Variants in PDZRN3 observed in about 807,000 individuals in gnomAD.
PDZRN3 encodes PDZ domain containing ring finger 3.
PDZRN3 carries 38 observed loss-of-function variants against 85.7 expected under a neutral mutation model. The ratio of observed to expected loss-of-function variants is 0.44; its 90% CI spans 0.34 to 0.58. PDZRN3 has a LOEUF of 0.58. Ranked by LOEUF, PDZRN3 falls within the 20% of genes least tolerant of loss-of-function variation. The pLI is 0.01. For missense variants in PDZRN3, 1,629 were observed against 1,506.4 expected (o/e 1.08, Z -1.35); for synonymous variants, 759 against 638.0 (o/e 1.19, Z -2.86).
In PDZRN3 at chr3:73,522,420, C is replaced by A. The variant is rs190476985; in HGVS notation, c.918+79934G>T. Among the ~76,000 whole-genome samples the A allele has an allele frequency of 1.2e-4, 18 of 152,304 alleles. No homozygotes were observed. The East Asian group carries it at 3.5e-3, about 29-fold the overall frequency. The stretch of plus-strand genomic sequence containing the variant: ...AAACATGCTAGTGCTATAAAGTGAG[C>A]AGGCTGTGTGCTCCTCAGAAGGGTC... On this transcript the variant is annotated intron_variant, in intron 3 of 9. Transcript: ENST00000263666.
chr3:73,455,566 C>A (rs1421074211), intron 3 of PDZRN3, among the ~76,000 whole-genome samples: 1 of 152,192 alleles, frequency 6.6e-6, no homozygotes, highest in African/African-American at 2.4e-5. Flanking sequence ...GCAAGGCATA[C>A]ATGATTTCTG....
intron 3 of PDZRN3, among the ~76,000 whole-genome samples, chr3:73,542,835 T>A (rs1263518896): frequency 6.6e-6 from 1 of 152,152 alleles, no homozygotes; most frequent in African/African-American, 2.4e-5. Context: ...GATCATTACA[T>A]GAGACACACA....
At chr3:73,399,279 G>A (rs1701702283) in intron 5 of PDZRN3, among the ~76,000 whole-genome samples, 1 of 152,176 alleles carries the variant, frequency 6.6e-6, no homozygotes, top group Non-Finnish European at 1.5e-5. Context: ...TCAAAAAGCA[G>A]TGTCGTCCCA....
chr3:73,399,586 C>A (rs900394166), intron 5 of PDZRN3, among the ~76,000 whole-genome samples: 1 of 152,178 alleles, frequency 6.6e-6, no homozygotes, highest in Admixed American at 6.5e-5. Flanking sequence ...GGCTGCTTCA[C>A]CAAACAGCCC....
At position 73,533,785 on chromosome 3, in the gene PDZRN3, T is replaced by A. The variant is rs150512322; in HGVS notation, c.918+68569A>T. On this transcript the variant is annotated intron_variant, in intron 3 of 9. Coordinates refer to ENST00000263666, the MANE Select transcript of PDZRN3 (RefSeq NM_015009.3). Reference sequence around the variant, plus strand: ...ATAGGTGTGTTACTGGGTGTTCCACTCTGCATTTTGTGTTCCTTCACTGAA... The same window carrying A: ...ATAGGTGTGTTACTGGGTGTTCCACACTGCATTTTGTGTTCCTTCACTGAA... Among the ~76,000 whole-genome samples, 1,050 of 152,296 alleles carry A rather than the reference T, an allele frequency of 6.9e-3. 2 individuals are homozygous for A. The highest frequency in any genetic ancestry group is 0.012 in the Admixed American group (181 of 15,294).
At chr3:73,617,953 G>C (rs1341375483) in intron 1 of PDZRN3, among the ~76,000 whole-genome samples, 1 of 152,136 alleles carries the variant, frequency 6.6e-6, no homozygotes, top group Admixed American at 6.5e-5. Flanking sequence ...TGATCTTTCC[G>C]GCTAGGCCTC....
chr3:73,456,222 G>A (rs76182440), intron 3 of PDZRN3, among the ~76,000 whole-genome samples: 3,563 of 151,842 alleles, frequency 0.023, 138 homozygotes, highest in African/African-American at 0.079. Flanking sequence ...GTGTGCGCGC[G>A]TGCGCTTCTC....
chr3:73,435,823 T>G (rs967987353), intron 3 of PDZRN3, among the ~76,000 whole-genome samples: 2 of 152,150 alleles, frequency 1.3e-5, no homozygotes, highest in African/African-American at 4.8e-5. Context: ...AAGGGATGAC[T>G]CCACCGTTTG....
At chr3:73,583,579 A>G (rs913232146) in intron 3 of PDZRN3, among the ~76,000 whole-genome samples, 11 of 152,176 alleles carry the variant, frequency 7.2e-5, no homozygotes, top group African/African-American at 2.7e-4. Flanking sequence ...TGCCAAGGAA[A>G]CATGGCAGCC....
At chr3:73,394,050 C>T (rs995977113) in intron 5 of PDZRN3, among the ~76,000 whole-genome samples, 1 of 148,760 alleles carries the variant, frequency 6.7e-6, no homozygotes, top group African/African-American at 2.5e-5. Flanking sequence ...ATCTTTATGA[C>T]TTTTTTTTTT....
intron 3 of PDZRN3, among the ~76,000 whole-genome samples, chr3:73,570,618 G>T (rs894886640): frequency 6.6e-6 from 1 of 152,124 alleles, no homozygotes; most frequent in Non-Finnish European, 1.5e-5. Flanking sequence ...CAAATGACCG[G>T]CTGCCTAGAT....
At chr3:73,404,557 C>T (rs1349431450) in intron 3 of PDZRN3, 162 bp from the exon 4 acceptor site, 39 of 665,946 alleles carry the variant, frequency 5.9e-5, no homozygotes. Flanking sequence ...CCGAAGAATG[C>T]CTGGTGGAAA....
intron 3 of PDZRN3, among the ~76,000 whole-genome samples, chr3:73,442,701 T>C (rs1702664986): frequency 6.6e-6 from 1 of 151,394 alleles, no homozygotes; most frequent in African/African-American, 2.4e-5. Context: ...GTGTGGATTT[T>C]TTTTTTTTTT....
chr3:73,438,118 A>G (rs1407428058), intron 3 of PDZRN3, among the ~76,000 whole-genome samples: 2 of 152,194 alleles, frequency 1.3e-5, no homozygotes, highest in Non-Finnish European at 2.9e-5. Flanking sequence ...GGTGCTCTGC[A>G]CCATCAGACG....
intron 3 of PDZRN3, among the ~76,000 whole-genome samples, chr3:73,444,516 G>T (rs557900119): frequency 6.6e-6 from 1 of 152,180 alleles, no homozygotes; most frequent in Non-Finnish European, 1.5e-5. Flanking sequence ...CTTCATTACC[G>T]TGATTAATCA....
intron 7 of PDZRN3, among the ~76,000 whole-genome samples, chr3:73,389,301 G>T (rs1268220150): frequency 1.3e-5 from 2 of 152,146 alleles, no homozygotes; most frequent in Non-Finnish European, 1.5e-5. Context: ...GTCAAGTAAT[G>T]ACCCTTAGAA....
intron 3 of PDZRN3, among the ~76,000 whole-genome samples, chr3:73,583,435 T>G (rs1456832697): frequency 1.3e-5 from 2 of 152,198 alleles, no homozygotes; most frequent in East Asian, 1.9e-4. Context: ...TAGCAGTTGA[T>G]ATTCTCAGCA....
chr3:73,598,564 A>G (rs1457125754), intron 3 of PDZRN3, among the ~76,000 whole-genome samples: 2 of 152,170 alleles, frequency 1.3e-5, no homozygotes, highest in East Asian at 3.9e-4. Flanking sequence ...AGGTATGACC[A>G]AAGTCTGCCC....
At chr3:73,528,885 A>AACAC (rs56134399) in intron 3 of PDZRN3, among the ~76,000 whole-genome samples, 1,663 of 146,858 alleles carry the variant, frequency 0.011, 32 homozygotes, top group African/African-American at 0.033. Flanking sequence ...TTTTGTGGGA[A>AACAC]ACACACACAC....
Sources: gnomAD v4.1 joint callset for allele counts (sites outside exome capture counted in the v4.1 genomes callset) on GRCh38, gnomAD v4.1.1 for gene constraint, MANE v1.5 for transcripts, NCBI Gene and HGNC (gene_info 2026-07-23, HGNC 2026-07-21) for gene names.